Variants in OTUD7A observed in about 807,000 individuals in gnomAD.
OTUD7A encodes OTU deubiquitinase 7A, also known as OTU domain-containing protein 7A.
In OTUD7A, 12 loss-of-function variants were observed where a neutral mutation model predicts 65.7. The observed-to-expected ratio is 0.18, with a 90% CI of 0.12 to 0.30. The LOEUF (loss-of-function observed/expected upper bound fraction) is 0.30. Ranked by LOEUF, OTUD7A falls within the 10% of genes least tolerant of loss-of-function variation. The probability of loss-of-function intolerance (pLI) is 1.00; values close to 1 mark genes in which losing one functional copy is unlikely to be tolerated. For missense variants in OTUD7A, 1,148 were observed against 1,304.8 expected (o/e 0.88, Z 1.85); for synonymous variants, 641 against 586.3 (o/e 1.09, Z -1.35).
intron 3 of OTUD7A, among the ~76,000 whole-genome samples, chr15:31,599,756 C>T (rs866201799): frequency 5.3e-5 from 8 of 152,058 alleles, no homozygotes; most frequent in African/African-American, 1.2e-4. Context: ...AAAGGTTAGA[C>T]GAATTGCTAA....
intron 12 of OTUD7A, among the ~76,000 whole-genome samples, chr15:31,485,125 C>T (rs962164789): frequency 8.5e-5 from 13 of 152,188 alleles, no homozygotes; most frequent in African/African-American, 3.1e-4. Context: ...CGGTCAGGTT[C>T]AGACTCTGGC....
intron 3 of OTUD7A, among the ~76,000 whole-genome samples, chr15:31,570,439 TCATA>T (rs1889013385): frequency 8.4e-6 from 1 of 119,444 alleles, no homozygotes; most frequent in South Asian, 2.7e-4. Context: ...GCCTTTAGGT[TCATA>T]CACACACACA....
intron 1 of OTUD7A, among the ~76,000 whole-genome samples, chr15:31,824,557 G>A (rs1017571096): frequency 6.6e-5 from 10 of 152,154 alleles, no homozygotes; most frequent in African/African-American, 2.4e-4. Context: ...AAAACATTAT[G>A]AAAAGTCTTG....
chr15:31,782,541 G>A (rs1895567717), intron 1 of OTUD7A, among the ~76,000 whole-genome samples: 1 of 152,130 alleles, frequency 6.6e-6, no homozygotes, highest in African/African-American at 2.4e-5. Flanking sequence ...TAGTGAGCAG[G>A]GACAGCCACA....
At chr15:31,593,641 A>C (rs1889818177) in intron 3 of OTUD7A, among the ~76,000 whole-genome samples, 1 of 152,158 alleles carries the variant, frequency 6.6e-6, no homozygotes, top group Admixed American at 6.5e-5. Context: ...TGTATACAAC[A>C]GGAGGTCAGC....
rs1431912530 is a variant in OTUD7A at position 31,484,368 on chromosome 15, C to T, written c.1728G>A (p.Lys576=). Residue 576 remains lysine, a synonymous_variant, in exon 13 of 13, where the codon AAG becomes AAA. Coordinates refer to ENST00000307050, the MANE Select transcript of OTUD7A (RefSeq NM_001382637.1). This position sits in a 1 kb window ranked among gnomAD's most constrained non-coding sequence, Gnocchi z 4.5. ...RGKEKKAKSR[K]GSKEESGASA... is the part of the protein sequence containing the mutation. ...ACGCACCAGACTCCTCCTTGCTGCC[C>T]TTGCGCGACTTGGCCTTCTTCTCCT... The T allele has an allele frequency of 2.5e-6, 4 of 1,601,056 alleles. No individual in the cohort carries two copies. The Admixed American group carries it at 6.7e-5, about 27-fold the overall frequency.
intron 3 of OTUD7A, among the ~76,000 whole-genome samples, chr15:31,654,355 GTTC>G (rs1399336540): frequency 6.8e-6 from 1 of 146,290 alleles, no homozygotes; most frequent in African/African-American, 2.5e-5. Context: ...TGATTGAATA[GTTC>G]TCTCCACTTC....
intron 1 of OTUD7A, among the ~76,000 whole-genome samples, chr15:31,850,554 TATA>T (rs71113425): frequency 7.3e-5 from 11 of 150,310 alleles, no homozygotes; most frequent in African/African-American, 1.2e-4. Context: ...AAACTTAAAG[TATA>T]ATAATAATAA....
At position 31,515,687 on chromosome 15, in the gene OTUD7A, GTCCA is replaced by G. The variant is rs574581148; in HGVS notation, c.893+10658_893+10661del. On this transcript the variant is annotated intron_variant, in intron 8 of 12. Transcript: ENST00000307050. ...CATCTATTGATCCACCCATCCACTT[GTCCA>G]TCCATCCATCCATCCATCTGCTGTC... Among the ~76,000 whole-genome samples the G allele has an allele frequency of 1.1e-3, 146 of 130,926 alleles. 2 individuals are homozygous for G. The highest frequency in any genetic ancestry group is 3.2e-3 in the South Asian group (12 of 3,796). The allele number at this position is 130,926 out of a possible 152,430, so 85.9% of individuals were successfully genotyped here.
chr15:31,698,971 G>A lies in OTUD7A; in HGVS notation c.-99-41894C>T, dbSNP rs374468592. On this transcript the variant is annotated intron_variant, in intron 1 of 12. Transcript: ENST00000307050. ...ATAAGGACTTACTGAGATAACATTC[G>A]TAGAGGGATGTGCTAGGAGGGTTAA... 6.9e-4 allele frequency among the ~76,000 whole-genome samples: 105 copies of A among 152,186 alleles called. 2 individuals carry two copies. In the South Asian group the frequency reaches 9.1e-3, roughly 13 times the overall value.
At chr15:31,791,852 C>T (rs1895824698) in intron 1 of OTUD7A, among the ~76,000 whole-genome samples, 1 of 152,220 alleles carries the variant, frequency 6.6e-6, no homozygotes, top group Admixed American at 6.5e-5. Context: ...TCATGGAATG[C>T]AGGGCTCAGC....
chr15:31,559,706 C>T (rs2141158961), intron 4 of OTUD7A, among the ~76,000 whole-genome samples: 1 of 152,278 alleles, frequency 6.6e-6, no homozygotes, highest in East Asian at 1.9e-4. Context: ...ACATACACTA[C>T]AGACTATACA....
intron 1 of OTUD7A, among the ~76,000 whole-genome samples, chr15:31,852,163 G>A (rs1327955573): frequency 1.3e-5 from 2 of 152,206 alleles, no homozygotes; most frequent in Non-Finnish European, 2.9e-5. Context: ...AGCCCTGACT[G>A]CCTTTTAACG....
intron 3 of OTUD7A, among the ~76,000 whole-genome samples, chr15:31,646,930 CTGTTTAAGAGTATTTAAAT>C (rs1250997972): frequency 1.3e-5 from 2 of 152,112 alleles, no homozygotes; most frequent in African/African-American, 2.4e-5. Flanking sequence ...CTTAATGGGT[CTGTTTAAGAGTATTTAAAT>C]ACACTCATCT....
intron 1 of OTUD7A, among the ~76,000 whole-genome samples, chr15:31,722,786 C>T (rs1249507095): frequency 6.6e-6 from 1 of 152,204 alleles, no homozygotes; most frequent in Non-Finnish European, 1.5e-5. Flanking sequence ...TTACAGTTGG[C>T]AAAACAGAGG....
chr15:31,758,058 CCTA>C lies in OTUD7A; in HGVS notation c.-99-100984_-99-100982del, dbSNP rs1467120804. Among the ~76,000 whole-genome samples, 5 of 152,272 alleles carry C rather than the reference CCTA, an allele frequency of 3.3e-5. No individual in the cohort carries two copies. The East Asian group carries it at 9.6e-4, about 29-fold the overall frequency. ...TCTTCGATTTTTATTTCATATGAATCCTAAAACGTAGGTTTTCATTTACTTTTA... is the reference window on the plus strand; with the variant it reads ...TCTTCGATTTTTATTTCATATGAATCAAACGTAGGTTTTCATTTACTTTTA... On this transcript the variant is annotated intron_variant, in intron 1 of 12. Coordinates refer to ENST00000307050, the MANE Select transcript of OTUD7A (RefSeq NM_001382637.1).
At chr15:31,747,273 A>G (rs143637664) in intron 1 of OTUD7A, among the ~76,000 whole-genome samples, 3 of 152,210 alleles carry the variant, frequency 2.0e-5, no homozygotes, top group African/African-American at 7.2e-5. Flanking sequence ...CTTAATTATG[A>G]CAACGCCTAG....
At chr15:31,814,096 C>A (rs569519951) in intron 1 of OTUD7A, among the ~76,000 whole-genome samples, 1 of 152,348 alleles carries the variant, frequency 6.6e-6, no homozygotes, top group East Asian at 1.9e-4. Context: ...AGCTCATACC[C>A]ACAACAGCTT....
At chr15:31,859,571 G>A (rs898464220) in intron 1 of OTUD7A, among the ~76,000 whole-genome samples, 5 of 152,166 alleles carry the variant, frequency 3.3e-5, no homozygotes, top group African/African-American at 1.2e-4. Context: ...TCCCCCTTGT[G>A]GGATAATATA....
Sources: allele counts gnomAD v4.1 joint callset (sites outside exome capture counted in the v4.1 genomes callset), GRCh38; gene constraint gnomAD v4.1.1; non-coding constraint Gnocchi (gnomAD v3.1); transcripts MANE v1.5; gene names NCBI Gene and HGNC (gene_info 2026-07-23, HGNC 2026-07-21).